CNTNAP2: variants seen among roughly 807,000 people sequenced by gnomAD.
The protein encoded by CNTNAP2 is contactin associated protein 2, also known as contactin-associated protein-like 2.
A neutral mutation model predicts 155.2 loss-of-function variants in CNTNAP2; 98 were observed. The observed-to-expected ratio is 0.63, with a 90% CI of 0.54 to 0.75. The LOEUF is 0.75. CNTNAP2 is among the 30% of genes least tolerant of loss of function. The probability of loss-of-function intolerance (pLI) is 0.00; values close to 1 mark genes in which losing one functional copy is unlikely to be tolerated. For missense variants in CNTNAP2, 1,727 were observed against 1,688.1 expected (o/e 1.02, Z -0.40); for synonymous variants, 651 against 631.2 (o/e 1.03, Z -0.47).
At chr7:148,250,780 C>T (rs144249888) in intron 20 of CNTNAP2, among the ~76,000 whole-genome samples, 2 of 152,278 alleles carry the variant, frequency 1.3e-5, no homozygotes, top group African/African-American at 4.8e-5. Context: ...AGTGAACCAC[C>T]GTACCCGGCC....
Position 148,298,570 on chromosome 7 carries a change from C to T in CNTNAP2, c.3475+31444C>T, listed in dbSNP as rs146206175. 3.9e-3 allele frequency among the ~76,000 whole-genome samples: 596 copies of T among 152,294 alleles called. 7 individuals are homozygous for T. Among genetic ancestry groups the T allele is most frequent in the African/African-American group, 0.014 (568 of 41,552 alleles). ...AGCCCACTGACTCAAATGCTAATTT[C>T]CTTTGGCAACACCCTCACAGACACA... On this transcript the variant is annotated intron_variant, in intron 21 of 23. Coordinates refer to ENST00000361727, the MANE Select transcript of CNTNAP2 (RefSeq NM_014141.6).
intron 1 of CNTNAP2, among the ~76,000 whole-genome samples, chr7:146,763,226 C>A (rs75439745): frequency 1.3e-5 from 2 of 152,226 alleles, no homozygotes; most frequent in African/African-American, 4.8e-5. Context: ...GTTCCTGCTC[C>A]GAGCCTTTTG....
At chr7:146,333,042 C>G (rs1801212094) in intron 1 of CNTNAP2, among the ~76,000 whole-genome samples, 1 of 147,830 alleles carries the variant, frequency 6.8e-6, no homozygotes, top group African/African-American at 2.5e-5. Flanking sequence ...CTCCCAGGCT[C>G]AAGTGATTCT....
At chr7:148,329,292 TCCAGA>T (rs1448935258) in intron 21 of CNTNAP2, among the ~76,000 whole-genome samples, 1 of 152,150 alleles carries the variant, frequency 6.6e-6, no homozygotes, top group Non-Finnish European at 1.5e-5. Context: ...GAAGAAACAC[TCCAGA>T]GGCATCAGAG....
chr7:146,160,280 G>A (rs1333055138), intron 1 of CNTNAP2, among the ~76,000 whole-genome samples: 1 of 152,134 alleles, frequency 6.6e-6, no homozygotes, highest in African/African-American at 2.4e-5. Context: ...ACAATTAAAA[G>A]AACTAGAAAA....
chr7:146,450,324 A>T (rs1378654968), intron 1 of CNTNAP2, among the ~76,000 whole-genome samples: 2 of 152,236 alleles, frequency 1.3e-5, no homozygotes, highest in Non-Finnish European at 2.9e-5. Flanking sequence ...GACAGATTTT[A>T]AATGACAGTA....
At chr7:147,195,808 T>C (rs7807716) in intron 8 of CNTNAP2, among the ~76,000 whole-genome samples, 60,574 of 151,756 alleles carry the variant, frequency 0.4, 12,818 homozygotes, top group East Asian at 0.62. Flanking sequence ...TTAAGGAGTT[T>C]TTGGTATGAG....
At chr7:148,098,350 A>G (rs1245020931) in intron 15 of CNTNAP2, among the ~76,000 whole-genome samples, 1 of 143,866 alleles carries the variant, frequency 7.0e-6, no homozygotes. Flanking sequence ...AGGCTGAGGC[A>G]GGAGAATCGC....
intron 3 of CNTNAP2, among the ~76,000 whole-genome samples, chr7:147,036,427 G>T (rs1799152837): frequency 2.0e-5 from 3 of 152,192 alleles, no homozygotes; most frequent in South Asian, 4.1e-4. Context: ...CTAAATTTTG[G>T]TATGTATTTG....
chr7:147,742,722 A>T (rs1440923870), intron 13 of CNTNAP2, among the ~76,000 whole-genome samples: 1 of 152,216 alleles, frequency 6.6e-6, no homozygotes, highest in Non-Finnish European at 1.5e-5. Context: ...AGCTTGGAAA[A>T]TATATCTTAA....
chr7:148,241,553 G>T (rs1796158421), intron 20 of CNTNAP2, among the ~76,000 whole-genome samples: 1 of 152,210 alleles, frequency 6.6e-6, no homozygotes, highest in Non-Finnish European at 1.5e-5. Context: ...GTAGGGGAAT[G>T]AATAATCCTG....
intron 1 of CNTNAP2, among the ~76,000 whole-genome samples, chr7:146,560,750 C>T (rs369505513): frequency 8.2e-4 from 125 of 152,256 alleles, no homozygotes; most frequent in Middle Eastern, 3.4e-3. Context: ...CTTTTTCTAA[C>T]CAAGAAAATG....
chr7:147,309,130 G>A (rs534509809), intron 9 of CNTNAP2, among the ~76,000 whole-genome samples: 14 of 152,248 alleles, frequency 9.2e-5, no homozygotes, highest in Non-Finnish European at 1.8e-4. Flanking sequence ...GGGGTTGGAG[G>A]GGGGTAGAAA....
intron 15 of CNTNAP2, among the ~76,000 whole-genome samples, chr7:148,075,960 A>G (rs1322365583): frequency 6.6e-6 from 1 of 152,170 alleles, no homozygotes; most frequent in Non-Finnish European, 1.5e-5. Context: ...GAATTCTGTG[A>G]TGTTTCTCAT....
intron 1 of CNTNAP2, among the ~76,000 whole-genome samples, chr7:146,207,283 T>A (rs1379116498): frequency 1.3e-5 from 2 of 151,946 alleles, no homozygotes; most frequent in African/African-American, 4.8e-5. Flanking sequence ...CCGTGAAAAA[T>A]AATGGGAACT....
intron 1 of CNTNAP2, among the ~76,000 whole-genome samples, chr7:146,517,405 T>G (rs1259592476): frequency 6.6e-6 from 1 of 151,910 alleles, no homozygotes; most frequent in Non-Finnish European, 1.5e-5. Flanking sequence ...CAGCTGAAAC[T>G]TGAATGACAC....
At chr7:147,350,851 A>C (rs961429053) in intron 9 of CNTNAP2, among the ~76,000 whole-genome samples, 18 of 151,920 alleles carry the variant, frequency 1.2e-4, no homozygotes, top group Non-Finnish European at 2.5e-4. Context: ...GTACCTAAAA[A>C]AATTTAAATT....
At chr7:147,944,748 T>A (rs1216417275) in intron 14 of CNTNAP2, among the ~76,000 whole-genome samples, 5 of 152,206 alleles carry the variant, frequency 3.3e-5, no homozygotes, top group Admixed American at 3.3e-4. Context: ...GTTGTAGGGA[T>A]GGATACACAG....
chr7:146,486,291 C>T (rs529157601), intron 1 of CNTNAP2, among the ~76,000 whole-genome samples: 28 of 152,000 alleles, frequency 1.8e-4, no homozygotes, highest in Non-Finnish European at 2.9e-4. Context: ...GTCTCGATCT[C>T]CTGACCTCGT....
Sources: allele counts gnomAD v4.1 joint callset (sites outside exome capture counted in the v4.1 genomes callset), GRCh38; gene constraint gnomAD v4.1.1; transcripts MANE v1.5; gene names NCBI Gene and HGNC (gene_info 2026-07-23, HGNC 2026-07-21).